Variants in EML6 observed in about 807,000 individuals in gnomAD.
EML6 encodes the protein EMAP like 6.
Under a neutral mutation model 240.1 loss-of-function variants are expected in EML6, and 154 were observed. The observed-to-expected ratio is 0.64, with a 90% confidence interval of 0.56 to 0.73. EML6 has a LOEUF of 0.73. EML6 is among the 30% of genes least tolerant of loss of function. The pLI is 0.00. For missense variants in EML6, 2,964 were observed against 2,474.6 expected (o/e 1.20, Z -4.20); for synonymous variants, 1,148 against 899.0 (o/e 1.28, Z -4.95).
rs552199049 is a variant in EML6, at chr2:54,900,514, G to T, written c.3124+732G>T. Among the ~76,000 whole-genome samples, 9 of 152,336 alleles carry T rather than the reference G, an allele frequency of 5.9e-5. No individual in the cohort carries two copies. The South Asian group carries it at 1.9e-3, about 32-fold the overall frequency. On this transcript the variant is annotated intron_variant, in intron 22 of 41. Coordinates refer to ENST00000356458, the MANE Select transcript of EML6 (RefSeq NM_001039753.4). ...CTCTCACTGGCCCTGGGCTTGAAGG[G>T]ACAGGAGGAGAGGACAATTGCTGCA...
In EML6 at chr2:54,827,687, T is replaced by C; in HGVS notation, c.647T>C (p.Leu216Ser). The C allele has an allele frequency of 6.4e-7, 1 of 1,551,692 alleles. No homozygotes were observed. The highest frequency in any genetic ancestry group is 8.7e-7 in the Non-Finnish European group (1 of 1,146,946). The change falls in exon 6 of 42, where the codon TTA (leucine) becomes TCA (serine). Residue 216 changes from leucine to serine, a missense_variant. By Grantham distance (145) the Leu-to-Ser change is moderately radical. Transcript: ENST00000356458. ...AKEDITYSGA[L>S]NGDIYVWKGL... ...GAAGACATCACCTACTCTGGTGCTTTAAATGGTGACATCTATGTCTGGAAA... is the reference window on the plus strand; with the variant it reads ...GAAGACATCACCTACTCTGGTGCTTCAAATGGTGACATCTATGTCTGGAAA...
intron 2 of EML6, among the ~76,000 whole-genome samples, chr2:54,784,450 C>T (rs762666462): frequency 7.2e-5 from 11 of 152,074 alleles, no homozygotes; most frequent in Non-Finnish European, 1.2e-4. Context: ...AAGACTTTAC[C>T]GTACCACTAA....
intron 16 of EML6, among the ~76,000 whole-genome samples, chr2:54,875,528 C>T (rs1336493641): frequency 6.6e-6 from 1 of 152,148 alleles, no homozygotes; most frequent in Non-Finnish European, 1.5e-5. Flanking sequence ...ATAAATTGTC[C>T]TGGAAATATA....
chr2:54,841,962 A>T (rs1209735076), intron 7 of EML6, among the ~76,000 whole-genome samples: 1 of 151,734 alleles, frequency 6.6e-6, no homozygotes, highest in East Asian at 1.9e-4. Context: ...ATGTAGAGAG[A>T]CTTACCATAT....
At chr2:54,771,700 G>A (rs1668408237) in intron 2 of EML6, among the ~76,000 whole-genome samples, 2 of 152,234 alleles carry the variant, frequency 1.3e-5, no homozygotes, top group Admixed American at 6.5e-5. Flanking sequence ...GGTTGCAGCT[G>A]TTCCTCACAG....
intron 36 of EML6, among the ~76,000 whole-genome samples, 165 bp from the exon 37 acceptor site, chr2:54,963,821 A>T (rs1430139072): frequency 6.6e-6 from 1 of 152,242 alleles, no homozygotes; most frequent in Admixed American, 6.5e-5. Flanking sequence ...CAAGACATAC[A>T]GCTCTGCTCA....
At chr2:54,805,249 T>C (rs1572926404) in intron 2 of EML6, among the ~76,000 whole-genome samples, 1 of 152,222 alleles carries the variant, frequency 6.6e-6, no homozygotes, top group South Asian at 2.1e-4. Context: ...TTCTGGCTCT[T>C]TTAAATCTGT....
At chr2:54,866,732 G>T (rs1157716822) in intron 13 of EML6, 34 bp from the exon 14 acceptor site, 2 of 1,265,698 alleles carry the variant, frequency 1.6e-6, no homozygotes, top group Non-Finnish European at 2.2e-6. Context: ...CTGATGAAAG[G>T]CATCTCACCC....
At chr2:54,863,111 A>G (rs564894262) in intron 12 of EML6, among the ~76,000 whole-genome samples, 1 of 152,364 alleles carries the variant, frequency 6.6e-6, no homozygotes, top group African/African-American at 2.4e-5. Context: ...AATTATTTGA[A>G]TAAATGTTGA....
rs1029208050 is a variant in EML6, at chr2:54,871,615, A to G, written c.2344+10A>G. ...GCACTTGATTTTTCAGGTAAGGTCC[A>G]GAGTGATTGACACATGGTTCTACGT... On this transcript the variant is annotated intron_variant, in intron 16 of 41. Transcript: ENST00000356458. 1.3e-6 allele frequency: 2 copies of G among 1,526,798 alleles called. No homozygotes were observed. The highest frequency in any genetic ancestry group is 4.9e-5 in the East Asian group (2 of 40,810). The allele number at this position is 1,526,798 out of a possible 1,614,324, so 94.6% of individuals were successfully genotyped here.
At chr2:54,812,897 A>G (rs1473221774) in intron 2 of EML6, among the ~76,000 whole-genome samples, 2 of 152,214 alleles carry the variant, frequency 1.3e-5, no homozygotes, top group Non-Finnish European at 2.9e-5. Context: ...AAAACAAGTA[A>G]TATTTTGAAT....
At chr2:54,727,382 A>G (rs1377788016) in intron 2 of EML6, among the ~76,000 whole-genome samples, 1 of 137,366 alleles carries the variant, frequency 7.3e-6, no homozygotes, top group Non-Finnish European at 1.5e-5. Flanking sequence ...ATTAAGTTCA[A>G]TGAATTAAGA....
At chr2:54,887,997 C>T (rs60808665) in intron 17 of EML6, among the ~76,000 whole-genome samples, 21,182 of 152,266 alleles carry the variant, frequency 0.14, 1,875 homozygotes, top group South Asian at 0.27. Flanking sequence ...TGTATATTGA[C>T]ACATATTTTT....
intron 21 of EML6, among the ~76,000 whole-genome samples, chr2:54,899,090 A>G (rs1672922651): frequency 6.6e-6 from 1 of 152,218 alleles, no homozygotes; most frequent in Non-Finnish European, 1.5e-5. Context: ...GACGCTTGAA[A>G]TGAAAATTTA....
At chr2:54,905,782 A>G (rs13408207) in intron 24 of EML6, among the ~76,000 whole-genome samples, 56,429 of 152,110 alleles carry the variant, frequency 0.37, 10,762 homozygotes, top group Middle Eastern at 0.5. Context: ...GGAAGCATAC[A>G]GTATTTGTCT....
intron 2 of EML6, among the ~76,000 whole-genome samples, chr2:54,795,596 C>G (rs891863926): frequency 6.6e-6 from 1 of 152,134 alleles, no homozygotes; most frequent in Non-Finnish European, 1.5e-5. Context: ...CAGCAAGGAG[C>G]ATATGCCCCC....
intron 7 of EML6, among the ~76,000 whole-genome samples, chr2:54,841,100 G>A (rs972550395): frequency 9.7e-5 from 2 of 20,688 alleles, no homozygotes; most frequent in African/African-American, 3.2e-4. Flanking sequence ...AGGACAAGGA[G>A]GGGGGGCTGT....
At chr2:54,797,327 C>T (rs1034827244) in intron 2 of EML6, among the ~76,000 whole-genome samples, 47 of 152,164 alleles carry the variant, frequency 3.1e-4, no homozygotes, top group African/African-American at 5.5e-4. Flanking sequence ...TAACAGCCAT[C>T]GGAGTTCAAA....
intron 36 of EML6, 46 bp from the exon 37 acceptor site, chr2:54,963,940 C>T: frequency 6.6e-7 from 1 of 1,512,180 alleles, no homozygotes; most frequent in Non-Finnish European, 8.9e-7. Flanking sequence ...TGGAGACCAG[C>T]TGAGGGGGCC....
Sources: allele counts gnomAD v4.1 joint callset (sites outside exome capture counted in the v4.1 genomes callset), GRCh38; gene constraint gnomAD v4.1.1; transcripts MANE v1.5; gene names NCBI Gene and HGNC (gene_info 2026-07-23, HGNC 2026-07-21).